Variants in MMP16 observed in about 807,000 individuals in gnomAD.
The protein encoded by MMP16 is matrix metalloproteinase-16.
Under a neutral mutation model 67.8 loss-of-function variants are expected in MMP16, and 12 were observed. The ratio of observed to expected loss-of-function variants is 0.18; its 90% CI spans 0.11 to 0.29. MMP16 has a LOEUF of 0.29. Ranked by LOEUF, MMP16 falls within the 10% of genes least tolerant of loss-of-function variation. The pLI is 1.00. For missense variants in MMP16, 475 were observed against 765.7 expected, an observed-to-expected ratio of 0.62 and a Z score of 4.48; for synonymous variants, 249 against 255.9, an observed-to-expected ratio of 0.97 and a Z score of 0.26.
At chr8:88,141,225 C>T (rs944572662) in intron 4 of MMP16, among the ~76,000 whole-genome samples, 1 of 152,038 alleles carries the variant, frequency 6.6e-6, no homozygotes, top group Non-Finnish European at 1.5e-5. Flanking sequence ...AGATGTCTTA[C>T]AAATTAATGA....
At chr8:88,197,339 AT>A in intron 1 of MMP16, 33 bp from the exon 2 acceptor site, 1 of 1,503,258 alleles carries the variant, frequency 6.7e-7, no homozygotes, top group Non-Finnish European at 8.9e-7. Context: ...TTTTAGATCA[AT>A]TTTACAATTT....
chr8:88,061,187 C>T (rs1362509628), intron 7 of MMP16, among the ~76,000 whole-genome samples: 2 of 150,816 alleles, frequency 1.3e-5, no homozygotes, highest in Admixed American at 6.6e-5. Flanking sequence ...ATCCTAAAGG[C>T]CCAGATCACT....
intron 4 of MMP16, among the ~76,000 whole-genome samples, chr8:88,150,892 G>C (rs1409245182): frequency 1.4e-5 from 2 of 141,420 alleles, no homozygotes; most frequent in Non-Finnish European, 3.1e-5. Flanking sequence ...TGGACTAAAT[G>C]CTCCAATTAA....
At position 88,041,576 on chromosome 8, in the gene MMP16, G is replaced by A. The variant is rs553868301; in HGVS notation, c.1709C>T (p.Pro570Leu). ...AAGGAGGCATAAGGCCAAGATGCAG[G>A]GAATGACAATAGCTATGGCTTTCAC... ...STVKAIAIVI[P>L]CILALCLLVL... is the part of the protein sequence containing the mutation. Residue 570 changes from proline (P) to leucine (L), a missense_variant, in exon 10 of 10, where the codon CCC (proline) becomes CTC (leucine). Coordinates refer to ENST00000286614, the MANE Select transcript of MMP16 (RefSeq NM_005941.5). This position sits in a 1 kb window ranked among gnomAD's most constrained non-coding sequence, Gnocchi z 6.0. 6.2e-7 allele frequency: 1 copy of A among 1,614,142 alleles called. No homozygotes were observed. Among genetic ancestry groups the A allele is most frequent in the African/African-American group, 1.3e-5 (1 of 75,056 alleles).
At chr8:88,225,510 A>C (rs942443382) in intron 1 of MMP16, among the ~76,000 whole-genome samples, 3 of 152,046 alleles carry the variant, frequency 2.0e-5, no homozygotes, top group Non-Finnish European at 2.9e-5. Context: ...GAAATACAAG[A>C]GTATACAGAA....
intron 2 of MMP16, among the ~76,000 whole-genome samples, chr8:88,191,450 G>A (rs1488978913): frequency 6.6e-6 from 1 of 152,092 alleles, no homozygotes; most frequent in Non-Finnish European, 1.5e-5. Flanking sequence ...ACAAATATCA[G>A]GAAGTAGTTA....
At chr8:88,291,530 T>C (rs887322628) in intron 1 of MMP16, among the ~76,000 whole-genome samples, 1 of 152,166 alleles carries the variant, frequency 6.6e-6, no homozygotes, top group Non-Finnish European at 1.5e-5. Flanking sequence ...CATTGTTCAC[T>C]CTCTGCTTTC....
intron 1 of MMP16, among the ~76,000 whole-genome samples, chr8:88,244,148 G>A (rs985369790): frequency 3.3e-5 from 5 of 151,812 alleles, no homozygotes. Context: ...ACGGTTCTTT[G>A]GCCTGAAGCA....
chr8:88,224,671 C>T (rs1809739819), intron 1 of MMP16, among the ~76,000 whole-genome samples: 1 of 151,982 alleles, frequency 6.6e-6, no homozygotes. Context: ...TAATTTAGCA[C>T]ATCATTTCTC....
At chr8:88,225,745 G>T (rs1809759167) in intron 1 of MMP16, among the ~76,000 whole-genome samples, 1 of 151,670 alleles carries the variant, frequency 6.6e-6, no homozygotes, top group South Asian at 2.1e-4. Flanking sequence ...TTGCCTTCTA[G>T]AAAAGGTGTA....
intron 9 of MMP16, among the ~76,000 whole-genome samples, chr8:88,042,738 C>A (rs1346903059): frequency 6.6e-6 from 1 of 152,086 alleles, no homozygotes; most frequent in Non-Finnish European, 1.5e-5. Flanking sequence ...TGAATGCATA[C>A]AATAGACTTT....
chr8:88,106,890 G>GA (rs1809251523), intron 6 of MMP16, among the ~76,000 whole-genome samples: 1 of 150,980 alleles, frequency 6.6e-6, no homozygotes, highest in African/African-American at 2.4e-5. Flanking sequence ...CAGCCATGTA[G>GA]AAATGTCTAT....
At chr8:88,284,522 C>T (rs1810792575) in intron 1 of MMP16, among the ~76,000 whole-genome samples, 1 of 151,520 alleles carries the variant, frequency 6.6e-6, no homozygotes. Context: ...GATTGTAGAC[C>T]TGCTCATTCT....
chr8:88,108,796 G>A (rs1375505205), intron 6 of MMP16, among the ~76,000 whole-genome samples: 1 of 151,338 alleles, frequency 6.6e-6, no homozygotes, highest in Non-Finnish European at 1.5e-5. Flanking sequence ...ATGTGGGAGA[G>A]TAATGCTTTT....
intron 8 of MMP16, among the ~76,000 whole-genome samples, chr8:88,052,714 T>G (rs898296814): frequency 1.5e-4 from 23 of 152,230 alleles, no homozygotes; most frequent in African/African-American, 5.3e-4. Context: ...AACACTGTTT[T>G]TGAACAATCC....
At position 88,073,681 on chromosome 8, in the gene MMP16, T is replaced by C. The variant is rs188284873; in HGVS notation, c.1222+924A>G. The stretch of plus-strand genomic sequence containing the variant: ...TTACAAGTGTTTCCCAAATTCCATG[T>C]TTTCATTACCCTCACCAATTGCTAT... On this transcript the variant is annotated intron_variant, in intron 7 of 9. Transcript: ENST00000286614. 1.5e-3 allele frequency among the ~76,000 whole-genome samples: 221 copies of C among 152,274 alleles called. 1 individual carries two copies. The highest frequency in any genetic ancestry group is 5.1e-3 in the African/African-American group (213 of 41,576).
At chr8:88,065,082 A>G (rs1488146812) in intron 7 of MMP16, among the ~76,000 whole-genome samples, 4 of 152,082 alleles carry the variant, frequency 2.6e-5, no homozygotes, top group African/African-American at 7.2e-5. Flanking sequence ...GTCCTCTAAG[A>G]GGCATTCTTT....
intron 1 of MMP16, among the ~76,000 whole-genome samples, chr8:88,211,849 T>C (rs1026530167): frequency 2.0e-5 from 3 of 152,206 alleles, no homozygotes; most frequent in African/African-American, 7.2e-5. Context: ...CTATGATTAC[T>C]ATGATTTACT....
At chr8:88,294,522 GTATATGTCTCTATACACATATATGTA>G (rs1341536366) in intron 1 of MMP16, among the ~76,000 whole-genome samples, 3 of 150,630 alleles carry the variant, frequency 2.0e-5, no homozygotes, top group Non-Finnish European at 3.0e-5. Context: ...ACACACACAT[GTATATGTCTCTATACACATATATGTA>G]TATATGTCTC....
Sources: gnomAD v4.1 joint callset for allele counts (sites outside exome capture counted in the v4.1 genomes callset) on GRCh38, gnomAD v4.1.1 for gene constraint, Gnocchi (gnomAD v3.1) non-coding constraint, MANE v1.5 for transcripts, NCBI Gene and HGNC (gene_info 2026-07-23, HGNC 2026-07-21) for gene names.